Variants in SLC35F3 observed in about 807,000 individuals in gnomAD.
SLC35F3 encodes the protein putative thiamine transporter SLC35F3.
A neutral mutation model predicts 49.9 loss-of-function variants in SLC35F3; 25 were observed. The ratio of observed to expected loss-of-function variants is 0.50; its 90% CI spans 0.37 to 0.70. The LOEUF (loss-of-function observed/expected upper bound fraction) is 0.70. SLC35F3 is among the 30% of genes least tolerant of loss of function. SLC35F3 has a pLI of 0.00. For synonymous variants in SLC35F3, 275 were observed against 265.4 expected, an observed-to-expected ratio of 1.04 and a Z score of -0.35; for missense variants, 525 against 639.8, an observed-to-expected ratio of 0.82 and a Z score of 1.94.
chr1:234,017,392 A>G (rs1558206336), intron 2 of SLC35F3, among the ~76,000 whole-genome samples: 1 of 151,994 alleles, frequency 6.6e-6, no homozygotes, highest in Non-Finnish European at 1.5e-5. Context: ...GACCAAATAT[A>G]ATTTTCTTTG....
intron 2 of SLC35F3, among the ~76,000 whole-genome samples, chr1:234,162,750 A>C (rs1218545266): frequency 1.3e-5 from 2 of 152,258 alleles, no homozygotes; most frequent in Admixed American, 1.3e-4. Context: ...GGGATGATTA[A>C]GACTCAGTCC....
chr1:233,968,116 C>T (rs925870492), intron 2 of SLC35F3, among the ~76,000 whole-genome samples: 2 of 152,186 alleles, frequency 1.3e-5, no homozygotes, highest in Non-Finnish European at 2.9e-5. Context: ...ATGCCTCTCT[C>T]CCTCTCTCCT....
At chr1:234,267,945 G>A (rs1184110027) in intron 3 of SLC35F3, among the ~76,000 whole-genome samples, 2 of 147,834 alleles carry the variant, frequency 1.4e-5, no homozygotes, top group Admixed American at 6.7e-5. Context: ...ATGGCAGCCG[G>A]GCAGAGACGC....
intron 3 of SLC35F3, among the ~76,000 whole-genome samples, chr1:234,265,972 C>CTTATA (rs1667971729): frequency 1.3e-5 from 2 of 152,192 alleles, no homozygotes; most frequent in Non-Finnish European, 2.9e-5. Flanking sequence ...CAGGCCTTTG[C>CTTATA]TCAAATATCA....
intron 2 of SLC35F3, among the ~76,000 whole-genome samples, chr1:233,936,563 C>A (rs889961160): frequency 6.6e-6 from 1 of 151,536 alleles, no homozygotes; most frequent in Non-Finnish European, 1.5e-5. Flanking sequence ...CTTTCTTCTT[C>A]TTCTCCTCCT....
intron 2 of SLC35F3, among the ~76,000 whole-genome samples, chr1:233,995,711 C>T (rs568593426): frequency 1.5e-4 from 23 of 152,240 alleles, no homozygotes; most frequent in African/African-American, 4.8e-4. Context: ...GTAAACAGCA[C>T]GTGTCTCATG....
chr1:234,241,109 T>C (rs1037519032), intron 3 of SLC35F3, among the ~76,000 whole-genome samples: 1 of 152,100 alleles, frequency 6.6e-6, no homozygotes, highest in African/African-American at 2.4e-5. Context: ...TTCTTTTCTT[T>C]CTTTTCTTTT....
intron 2 of SLC35F3, among the ~76,000 whole-genome samples, chr1:234,142,726 T>C (rs1466256192): frequency 6.6e-6 from 1 of 152,086 alleles, no homozygotes; most frequent in Non-Finnish European, 1.5e-5. Flanking sequence ...ACAAATCCAA[T>C]GGGGCCAGTG....
At chr1:234,203,888 ATATG>A (rs1314054098) in intron 2 of SLC35F3, among the ~76,000 whole-genome samples, 1 of 152,202 alleles carries the variant, frequency 6.6e-6, no homozygotes, top group Non-Finnish European at 1.5e-5. Flanking sequence ...TTCTGAATAT[ATATG>A]AGGTAGGTAT....
chr1:234,067,537 T>C (rs767125982), intron 2 of SLC35F3, among the ~76,000 whole-genome samples: 1 of 152,198 alleles, frequency 6.6e-6, no homozygotes, highest in Admixed American at 6.5e-5. Flanking sequence ...TTGCTTAGCC[T>C]AAGAAGCAAC....
chr1:234,075,957 TA>T (rs1664785974), intron 2 of SLC35F3, among the ~76,000 whole-genome samples: 1 of 152,194 alleles, frequency 6.6e-6, no homozygotes, highest in Non-Finnish European at 1.5e-5. Context: ...TTTTTCCATT[TA>T]AATATTGAAG....
At chr1:234,155,250 T>G (rs1008911405) in intron 2 of SLC35F3, among the ~76,000 whole-genome samples, 13 of 152,294 alleles carry the variant, frequency 8.5e-5, no homozygotes, top group Middle Eastern at 3.4e-3. Flanking sequence ...TTCATTGTTT[T>G]AAGACAATTT....
At chr1:234,175,662 CAAAAAAAAAA>C (rs35257762) in intron 2 of SLC35F3, among the ~76,000 whole-genome samples, 9 of 98,704 alleles carry the variant, frequency 9.1e-5, no homozygotes, top group African/African-American at 3.3e-4. Context: ...GACCCTGTCT[CAAAAAAAAAA>C]AAAAAAAAAA....
chr1:234,138,385 A>G (rs1572065747), intron 2 of SLC35F3, among the ~76,000 whole-genome samples: 1 of 152,158 alleles, frequency 6.6e-6, no homozygotes, highest in Non-Finnish European at 1.5e-5. Flanking sequence ...AGGAGGGTCA[A>G]TGGTTCTCAG....
chr1:233,908,606 A>C (rs1390965009), intron 2 of SLC35F3, among the ~76,000 whole-genome samples: 1 of 144,090 alleles, frequency 6.9e-6, no homozygotes, highest in African/African-American at 2.6e-5. Flanking sequence ...CAATGGTGCA[A>C]TCTCGGCTCA....
chr1:234,096,885 CTTTTTTT>C (rs34404610), intron 2 of SLC35F3, among the ~76,000 whole-genome samples: 15 of 132,096 alleles, frequency 1.1e-4, no homozygotes, highest in Non-Finnish European at 1.4e-4. Flanking sequence ...TTGTTAAATT[CTTTTTTT>C]TTTTTTTTTT....
At position 234,260,807 on chromosome 1, in the gene SLC35F3, C is replaced by T. The variant is rs531206939; in HGVS notation, c.608+29066C>T. On this transcript the variant is annotated intron_variant, in intron 3 of 7. Transcript: ENST00000366618. ...CGCATACATAAGTGCCTCACGTCTCCCTCCATTTCCTCCACCAAAGTTACC... is the reference window on the plus strand; with the variant it reads ...CGCATACATAAGTGCCTCACGTCTCTCTCCATTTCCTCCACCAAAGTTACC... Among the ~76,000 whole-genome samples, 182 of 152,236 alleles carry T rather than the reference C, an allele frequency of 1.2e-3. 1 individual carries two copies. Among genetic ancestry groups the T allele is most frequent in the African/African-American group, 3.6e-3 (150 of 41,546 alleles).
intron 2 of SLC35F3, among the ~76,000 whole-genome samples, chr1:234,022,262 G>A (rs61822044): frequency 0.13 from 19,979 of 152,136 alleles, 1,625 homozygotes; most frequent in Non-Finnish European, 0.18. Flanking sequence ...AAAACCAACA[G>A]GTTGTGTATG....
intron 3 of SLC35F3, among the ~76,000 whole-genome samples, chr1:234,262,699 A>C (rs1299121003): frequency 6.6e-6 from 1 of 152,192 alleles, no homozygotes; most frequent in Non-Finnish European, 1.5e-5. Flanking sequence ...TGCAAGCTGC[A>C]ACAGCTTCAG....
Sources: allele counts gnomAD v4.1 joint callset (sites outside exome capture counted in the v4.1 genomes callset), GRCh38; gene constraint gnomAD v4.1.1; transcripts MANE v1.5; gene names NCBI Gene and HGNC (gene_info 2026-07-23, HGNC 2026-07-21).